Variants in WDR49 observed in about 807,000 individuals in gnomAD.
WDR49 encodes the protein WD repeat domain 49.
In WDR49, 107 loss-of-function variants were observed where a neutral mutation model predicts 119.5. The observed-to-expected ratio is 0.90, with a 90% CI of 0.77 to 1.05. The LOEUF (loss-of-function observed/expected upper bound fraction) is 1.05, where lower values mean the gene tolerates loss of function less well. WDR49 is among the 50% of genes least tolerant of loss of function. The pLI is 0.00. For synonymous variants in WDR49, 425 were observed against 418.8 expected (o/e 1.01, Z -0.18); for missense variants, 1,240 against 1,220.5 (o/e 1.02, Z -0.24).
At chr3:167,541,995 C>T (rs549593299) in intron 10 of WDR49, among the ~76,000 whole-genome samples, 4 of 151,818 alleles carry the variant, frequency 2.6e-5, no homozygotes, top group African/African-American at 9.7e-5. Context: ...CTGCACTCCA[C>T]CCTGGGCAAC....
At chr3:167,576,212 A>AT (rs1577250989) in intron 7 of WDR49, 61 bp from the exon 8 acceptor site, 34 of 1,471,832 alleles carry the variant, frequency 2.3e-5, no homozygotes, top group South Asian at 5.0e-5. Flanking sequence ...CTTTTAGCCA[A>AT]TTTTTTTTCT....
At chr3:167,623,685 T>C (rs544593179) in intron 3 of WDR49, among the ~76,000 whole-genome samples, 1 of 152,112 alleles carries the variant, frequency 6.6e-6, no homozygotes, top group African/African-American at 2.4e-5. Context: ...TAATATGGTA[T>C]GGAATTTCTA....
intron 5 of WDR49, among the ~76,000 whole-genome samples, chr3:167,619,425 A>G (rs1438416907): frequency 6.6e-6 from 1 of 152,160 alleles, no homozygotes; most frequent in African/African-American, 2.4e-5. Flanking sequence ...TATCATGCAG[A>G]ATTTAAAAAT....
intron 2 of WDR49, among the ~76,000 whole-genome samples, chr3:167,633,185 C>T (rs1011464898): frequency 6.6e-6 from 1 of 151,488 alleles, no homozygotes; most frequent in Non-Finnish European, 1.5e-5. Flanking sequence ...TAGTTGCTAA[C>T]TAGATAGTTC....
intron 5 of WDR49, among the ~76,000 whole-genome samples, chr3:167,605,495 A>G (rs1716013616): frequency 6.6e-6 from 1 of 152,184 alleles, no homozygotes; most frequent in African/African-American, 2.4e-5. Context: ...AAGAAAAAAA[A>G]CAGATGCAGT....
chr3:167,649,072 G>T (rs896369441), intron 2 of WDR49, among the ~76,000 whole-genome samples: 1 of 152,112 alleles, frequency 6.6e-6, no homozygotes, highest in Non-Finnish European at 1.5e-5. Context: ...TAAAGGTTCT[G>T]GGGAAAGGGA....
chr3:167,642,771 G>A (rs1717942776), intron 2 of WDR49, among the ~76,000 whole-genome samples: 1 of 151,908 alleles, frequency 6.6e-6, no homozygotes, highest in African/African-American at 2.4e-5. Flanking sequence ...GTGCCAGAAA[G>A]CAAAGCAGTA....
chr3:167,591,326 T>C (rs1242879818), intron 7 of WDR49, among the ~76,000 whole-genome samples: 1 of 152,088 alleles, frequency 6.6e-6, no homozygotes, highest in Non-Finnish European at 1.5e-5. Context: ...TGACCTAACA[T>C]ATGGTCTATC....
At chr3:167,479,251 A>G (rs1183090863) in intron 18 of WDR49, among the ~76,000 whole-genome samples, 1 of 152,174 alleles carries the variant, frequency 6.6e-6, no homozygotes, top group Non-Finnish European at 1.5e-5. Flanking sequence ...TTCTAAGGGT[A>G]GAGGATTATA....
intron 16 of WDR49, among the ~76,000 whole-genome samples, chr3:167,512,107 T>G (rs1466333869): frequency 5.3e-5 from 8 of 152,114 alleles, no homozygotes. Flanking sequence ...AAGGGACAGA[T>G]AGAGTGCTTC....
At chr3:167,592,061 CT>C (rs1715142513) in intron 7 of WDR49, among the ~76,000 whole-genome samples, 1 of 151,690 alleles carries the variant, frequency 6.6e-6, no homozygotes, top group Admixed American at 6.6e-5. Context: ...TTGTTCATTC[CT>C]TGTATGTTTT....
rs201749962 is a variant in WDR49 at position 167,535,482 on chromosome 3, C to T, written c.1954+1388G>A. The stretch of plus-strand genomic sequence containing the variant: ...GACACACAAATGGCCAACAGACATA[C>T]GAAAAAATGTTCAACATCACTGATT... On this transcript the variant is annotated intron_variant, in intron 11 of 18. Coordinates refer to ENST00000682715, the MANE Select transcript of WDR49 (RefSeq NM_001366157.1). Among the ~76,000 whole-genome samples the T allele has an allele frequency of 3.2e-4, 49 of 152,024 alleles. No individual in the cohort carries two copies. The East Asian group carries it at 4.3e-3, about 13-fold the overall frequency.
intron 5 of WDR49, among the ~76,000 whole-genome samples, chr3:167,606,555 G>T (rs1236357237): frequency 1.3e-5 from 2 of 152,084 alleles, no homozygotes; most frequent in Non-Finnish European, 2.9e-5. Context: ...CTTGATACTG[G>T]CATATTGCTA....
intron 5 of WDR49, among the ~76,000 whole-genome samples, chr3:167,612,345 T>A (rs1716377656): frequency 6.6e-6 from 1 of 151,622 alleles, no homozygotes; most frequent in African/African-American, 2.4e-5. Flanking sequence ...AGAGGGAAGT[T>A]TATAGCTGAA....
intron 2 of WDR49, among the ~76,000 whole-genome samples, chr3:167,648,189 T>C (rs1395558867): frequency 6.6e-6 from 1 of 152,172 alleles, no homozygotes; most frequent in Non-Finnish European, 1.5e-5. Flanking sequence ...ATTTATGCCG[T>C]GCCTATGTTT....
intron 8 of WDR49, among the ~76,000 whole-genome samples, chr3:167,561,311 T>G (rs1713259347): frequency 6.6e-6 from 1 of 151,208 alleles, no homozygotes; most frequent in Non-Finnish European, 1.5e-5. Flanking sequence ...TCTCAAGGAG[T>G]CTATTGTCTA....
chr3:167,583,717 T>C (rs1249488950), intron 7 of WDR49, among the ~76,000 whole-genome samples: 25 of 152,078 alleles, frequency 1.6e-4, no homozygotes, highest in Admixed American at 1.6e-3. Flanking sequence ...AATAGCAAGG[T>C]ACAGCCATTG....
intron 7 of WDR49, among the ~76,000 whole-genome samples, chr3:167,581,033 A>C (rs1402329682): frequency 6.6e-6 from 1 of 152,086 alleles, no homozygotes; most frequent in African/African-American, 2.4e-5. Context: ...ATCTGTCTAA[A>C]CTCAGGCTTA....
At chr3:167,652,881 G>A (rs1041668864) in intron 2 of WDR49, among the ~76,000 whole-genome samples, 9 of 152,060 alleles carry the variant, frequency 5.9e-5, no homozygotes, top group South Asian at 2.1e-4. Flanking sequence ...TTCTATGTCC[G>A]TATTAAATGC....
Sources: gnomAD v4.1 joint callset for allele counts (sites outside exome capture counted in the v4.1 genomes callset) on GRCh38, gnomAD v4.1.1 for gene constraint, MANE v1.5 for transcripts, NCBI Gene and HGNC (gene_info 2026-07-23, HGNC 2026-07-21) for gene names.